LGSN: variants seen among roughly 807,000 people sequenced by gnomAD.
LGSN encodes lengsin, lens protein with glutamine synthetase domain, also known as lengsin.
Under a neutral mutation model 19.5 loss-of-function variants are expected in LGSN, and 21 were observed. The ratio of observed to expected loss-of-function variants is 1.07; its 90% CI spans 0.76 to 1.55. The LOEUF is 1.55. Among genes scored for constraint, LGSN ranks in the 40% most tolerant of loss-of-function variants. LGSN has a pLI of 0.00. For synonymous variants in LGSN, 257 were observed against 215.6 expected (o/e 1.19, Z -1.68); for missense variants, 673 against 608.5 (o/e 1.11, Z -1.12).
the LGSN span, among the ~76,000 whole-genome samples, chr6:63,496,097 TGTATTTTTA>T: frequency 6.6e-6 from 1 of 151,900 alleles, no homozygotes. Flanking sequence ...TGGCTAATTT[TGTATTTTTA>T]GTAAAGATGG....
chr6:63,370,408 T>C, the LGSN span, among the ~76,000 whole-genome samples: 449 of 152,356 alleles, frequency 2.9e-3, 3 homozygotes, highest in African/African-American at 0.01. Flanking sequence ...TAAGCAGAGC[T>C]GTACAACCAG....
At chr6:63,328,692 C>T in the LGSN span, among the ~76,000 whole-genome samples, 40 of 152,294 alleles carry the variant, frequency 2.6e-4, no homozygotes, top group Admixed American at 1.9e-3. Context: ...CTCTCTGTGA[C>T]GTATAAAGAG....
chr6:63,371,865 C>T, the LGSN span, among the ~76,000 whole-genome samples: 9 of 152,170 alleles, frequency 5.9e-5, no homozygotes, highest in South Asian at 8.3e-4. Context: ...ACTGCTTATT[C>T]TCAGTTCATA....
At chr6:63,495,346 A>G in the LGSN span, among the ~76,000 whole-genome samples, 1 of 152,070 alleles carries the variant, frequency 6.6e-6, no homozygotes, top group Non-Finnish European at 1.5e-5. Flanking sequence ...ACAGTTAGCA[A>G]GTAGCAGAGA....
At chr6:63,432,886 G>A in the LGSN span, among the ~76,000 whole-genome samples, 1 of 152,060 alleles carries the variant, frequency 6.6e-6, no homozygotes, top group African/African-American at 2.4e-5. Context: ...CATTCCAGGA[G>A]TTGTAAACCT....
At chr6:63,291,331 AG>A (rs761468584) in intron 2 of LGSN, among the ~76,000 whole-genome samples, 2 of 152,170 alleles carry the variant, frequency 1.3e-5, no homozygotes, top group Non-Finnish European at 2.9e-5. Context: ...TCCGGAGTCC[AG>A]GAAGAAACAG....
the LGSN span, among the ~76,000 whole-genome samples, chr6:63,417,612 T>C: frequency 6.6e-6 from 1 of 152,210 alleles, no homozygotes; most frequent in Non-Finnish European, 1.5e-5. Context: ...TACTATGGCT[T>C]AACACATATA....
upstream of LGSN, among the ~76,000 whole-genome samples, chr6:63,322,894 A>C (rs910255561): frequency 6.6e-6 from 1 of 152,184 alleles, no homozygotes. Context: ...TGTCCTTTTC[A>C]TTTGTTTCAG....
chr6:63,400,764 C>T, the LGSN span, among the ~76,000 whole-genome samples: 3 of 152,114 alleles, frequency 2.0e-5, no homozygotes, highest in African/African-American at 4.8e-5. Flanking sequence ...GAGACTGAAG[C>T]GGGTGGATCA....
chr6:63,405,647 T>C, the LGSN span, among the ~76,000 whole-genome samples: 1 of 152,190 alleles, frequency 6.6e-6, no homozygotes, highest in East Asian at 1.9e-4. Flanking sequence ...GCTAACATCA[T>C]AATGACAGGA....
In LGSN at chr6:63,280,560, T is replaced by G. The variant is rs1455777622; in HGVS notation, c.991A>C (p.Thr331Pro). ...VDRKKNMFCS[T>P]SGTEQLTITG... ...ATCGTGAGCTGCTCAGTTCCAGAAG[T>G]GCTGCAGAACATGTTTTTCTTCCTA... The change falls in exon 4 of 4, where the codon ACT becomes CCT. Residue 331 changes from threonine (T) to proline (P), a missense_variant. Thr to Pro is a conservative substitution (Grantham distance 38). Transcript: ENST00000370657. 1.2e-6 allele frequency: 2 copies of G among 1,614,116 alleles called. No homozygotes were observed.
At chr6:63,495,598 C>T in the LGSN span, among the ~76,000 whole-genome samples, 9 of 150,052 alleles carry the variant, frequency 6.0e-5, no homozygotes, top group Non-Finnish European at 1.2e-4. Flanking sequence ...TACAGGCATG[C>T]ACCACCATGC....
chr6:63,510,929 C>A, the LGSN span, among the ~76,000 whole-genome samples: 272 of 152,208 alleles, frequency 1.8e-3, no homozygotes, highest in African/African-American at 6.0e-3. Context: ...CCTGCCTCTG[C>A]CTCTCAAAGT....
At chr6:63,346,943 C>A in the LGSN span, among the ~76,000 whole-genome samples, 1 of 152,164 alleles carries the variant, frequency 6.6e-6, no homozygotes, top group Non-Finnish European at 1.5e-5. Flanking sequence ...AGAGGGGTAG[C>A]ATCTCCTGGC....
the LGSN span, among the ~76,000 whole-genome samples, chr6:63,467,290 C>G: frequency 1.4e-5 from 2 of 147,260 alleles, no homozygotes; most frequent in African/African-American, 5.1e-5. Flanking sequence ...AAAAAAAAAT[C>G]TGAGTCACAG....
intron 1 of LGSN, among the ~76,000 whole-genome samples, chr6:63,313,267 AT>A (rs1331693660): frequency 6.6e-6 from 1 of 152,096 alleles, no homozygotes; most frequent in Non-Finnish European, 1.5e-5. Flanking sequence ...TGCCCTTTGT[AT>A]TTTGCAACCC....
intron 1 of LGSN, among the ~76,000 whole-genome samples, chr6:63,305,638 TA>T (rs1230579588): frequency 6.6e-6 from 1 of 152,248 alleles, no homozygotes; most frequent in Non-Finnish European, 1.5e-5. Flanking sequence ...GTTCTGTCCA[TA>T]AATGTTATCC....
At chr6:63,431,922 A>C in the LGSN span, among the ~76,000 whole-genome samples, 3 of 151,200 alleles carry the variant, frequency 2.0e-5, no homozygotes, top group African/African-American at 2.4e-5. Context: ...AAAAAAATGC[A>C]AAAATTAGTT....
At chr6:63,391,910 A>G in the LGSN span, among the ~76,000 whole-genome samples, 2 of 152,204 alleles carry the variant, frequency 1.3e-5, no homozygotes, top group Admixed American at 1.3e-4. Flanking sequence ...TGACGCACAG[A>G]GCAACTTGGT....
Sources: allele counts gnomAD v4.1 joint callset (sites outside exome capture counted in the v4.1 genomes callset), GRCh38; gene constraint gnomAD v4.1.1; transcripts MANE v1.5; gene names NCBI Gene and HGNC (gene_info 2026-07-23, HGNC 2026-07-21).